ADGB: variants seen among roughly 807,000 people sequenced by gnomAD.
ADGB encodes the protein androglobin, also known as calpain-7-like protein.
ADGB carries 172 observed loss-of-function variants against 210.5 expected under a neutral mutation model. The observed-to-expected ratio is 0.82, with a 90% confidence interval of 0.72 to 0.93. ADGB has a LOEUF of 0.93. Ranked by LOEUF, ADGB falls within the 40% of genes least tolerant of loss-of-function variation. The pLI is 0.00. For synonymous variants in ADGB, 658 were observed against 662.7 expected (o/e 0.99, Z 0.11); for missense variants, 2,025 against 1,964.8 (o/e 1.03, Z -0.58).
At chr6:146,802,886 A>T in intron 35 of ADGB, 1 of 1,610,458 alleles carries the variant, frequency 6.2e-7, no homozygotes, top group Admixed American at 1.7e-5. Context: ...CTGTTCCCAT[A>T]ATCCACTTAA....
At position 146,726,021 on chromosome 6, in the gene ADGB, C is replaced by T. The variant is rs1776889759; in HGVS notation, c.2238-62C>T. 17 of 1,063,200 alleles carry T rather than the reference C, an allele frequency of 1.6e-5. No individual in the cohort carries two copies. In the South Asian group the frequency reaches 1.7e-4, roughly 11 times the overall value. The allele number at this position is 1,063,200 out of a possible 1,614,324, so 65.9% of individuals were successfully genotyped here. The stretch of plus-strand genomic sequence containing the variant: ...AGTTCCAAAGTGTGAATAAGCAACT[C>T]ACAGGTCAAATGCCACCACCCAGGA... On this transcript the variant is annotated intron_variant, in intron 18 of 35. Coordinates refer to ENST00000397944, the MANE Select transcript of ADGB (RefSeq NM_024694.4).
At position 146,782,001 on chromosome 6, in the gene ADGB, T is replaced by A. The variant is rs1359298543; in HGVS notation, c.3863-19T>A. 7.0e-7 allele frequency: 1 copy of A among 1,431,678 alleles called. No individual in the cohort carries two copies. The allele number at this position is 1,431,678 out of a possible 1,614,324, so 88.7% of individuals were successfully genotyped here. A position where few individuals can be genotyped will look rare whatever the true frequency, so the allele number is the denominator to read the frequency against. On this transcript the variant is annotated intron_variant, in intron 29 of 35. Transcript: ENST00000397944. ...TGTTATATTATGACTCACCATTTTT[T>A]ATTTTTATGTCTCTCTAGCTTATGG...
intron 9 of ADGB, among the ~76,000 whole-genome samples, chr6:146,684,593 G>T (rs145127648): frequency 8.6e-5 from 13 of 152,038 alleles, no homozygotes; most frequent in African/African-American, 2.7e-4. Flanking sequence ...TTATTTTGCT[G>T]CATCCTTAAA....
chr6:146,738,668 T>C (rs1777116942), intron 23 of ADGB, among the ~76,000 whole-genome samples: 1 of 152,034 alleles, frequency 6.6e-6, no homozygotes. Context: ...CAGGATGGTC[T>C]CGATCTCCTG....
At chr6:146,788,713 G>GC in intron 33 of ADGB, 103 bp downstream of exon 33, 1 of 1,059,974 alleles carries the variant, frequency 9.4e-7, no homozygotes, top group Non-Finnish European at 1.4e-6. Context: ...TATAGAAGTA[G>GC]AAAAGATGTC....
intron 27 of ADGB, among the ~76,000 whole-genome samples, chr6:146,755,859 G>T (rs1017045859): frequency 5.3e-5 from 8 of 151,852 alleles, no homozygotes; most frequent in Non-Finnish European, 1.0e-4. Flanking sequence ...TGTTTATTTT[G>T]ATTAAACCTA....
intron 3 of ADGB, among the ~76,000 whole-genome samples, chr6:146,649,587 C>A (rs1235003290): frequency 4.0e-5 from 6 of 151,568 alleles, no homozygotes; most frequent in Non-Finnish European, 8.8e-5. Flanking sequence ...ACCTCCTGGG[C>A]TCAGGTGGTC....
At chr6:146,734,497 A>G (rs1021340485) in intron 22 of ADGB, among the ~76,000 whole-genome samples, 4 of 152,236 alleles carry the variant, frequency 2.6e-5, no homozygotes, top group Non-Finnish European at 4.4e-5. Flanking sequence ...GCCACTATGT[A>G]TGTCCATAGT....
intron 13 of ADGB, among the ~76,000 whole-genome samples, chr6:146,711,095 C>A (rs773233473): frequency 1.1e-4 from 17 of 152,204 alleles, no homozygotes; most frequent in Non-Finnish European, 2.4e-4. Context: ...CATATCTACA[C>A]TTTCCCCTGT....
At chr6:146,800,886 T>A (rs552715563) in intron 33 of ADGB, among the ~76,000 whole-genome samples, 1 of 152,308 alleles carries the variant, frequency 6.6e-6, no homozygotes, top group African/African-American at 2.4e-5. Flanking sequence ...GACTTGTTCT[T>A]ATTAATGGAG....
At position 146,599,099 on chromosome 6, in the gene ADGB, C is replaced by G. The variant is rs1161187596; in HGVS notation, c.59C>G (p.Ser20Trp). Residue 20 changes from serine (S) to tryptophan (W), a missense_variant, in exon 1 of 36, where the codon TCG becomes TGG. Ser to Trp is a radical substitution (Grantham distance 177). Transcript: ENST00000397944. Reference protein sequence around the residue: ...EVHRINSAHGSDKSKDFYPFG... With the variant: ...EVHRINSAHGWDKSKDFYPFG... ...CATCGTATCAACTCGGCGCACGGAT[C>G]GGATAAATCGAAAGAGTAAGGGACC... 2.6e-6 allele frequency: 4 copies of G among 1,551,690 alleles called. No individual in the cohort carries two copies. Among genetic ancestry groups the G allele is most frequent in the Non-Finnish European group, 3.5e-6 (4 of 1,146,946 alleles).
chr6:146,720,707 T>C (rs1348015138), intron 16 of ADGB, among the ~76,000 whole-genome samples: 1 of 152,076 alleles, frequency 6.6e-6, no homozygotes, highest in Non-Finnish European at 1.5e-5. Flanking sequence ...AAACACGTCT[T>C]ACCATGGCAG....
chr6:146,774,274 G>T (rs1287896737), intron 29 of ADGB, among the ~76,000 whole-genome samples: 2 of 152,086 alleles, frequency 1.3e-5, no homozygotes, highest in African/African-American at 4.8e-5. Flanking sequence ...TTTAATTCAT[G>T]AAATACAATA....
intron 23 of ADGB, among the ~76,000 whole-genome samples, chr6:146,739,241 G>C (rs1777127641): frequency 6.6e-6 from 1 of 152,118 alleles, no homozygotes; most frequent in South Asian, 2.1e-4. Flanking sequence ...GGCCAGCCCT[G>C]TGTGATTTAC....
intron 35 of ADGB, among the ~76,000 whole-genome samples, chr6:146,805,625 T>C (rs145612392): frequency 6.6e-6 from 1 of 152,284 alleles, no homozygotes; most frequent in East Asian, 1.9e-4. Context: ...ACTTTGCCTT[T>C]CCACTAACAG....
rs569822333 is a variant in ADGB, at chr6:146,747,376, A to C, written c.3365+1267A>C. Among the ~76,000 whole-genome samples the C allele has an allele frequency of 1.8e-4, 28 of 152,336 alleles. No individual in the cohort carries two copies. The South Asian group carries it at 3.9e-3, about 21-fold the overall frequency. On this transcript the variant is annotated intron_variant, in intron 26 of 35. Coordinates refer to ENST00000397944, the MANE Select transcript of ADGB (RefSeq NM_024694.4). The stretch of plus-strand genomic sequence containing the variant: ...ATCGTATCACATGGCAGGGCCACTA[A>C]TAGTCTAAAAAGTGAAATTTAACCT...
At chr6:146,691,426 A>ATATT (rs1776308880) in intron 11 of ADGB, 136 bp downstream of exon 11, 1 of 19,240 alleles carries the variant, frequency 5.2e-5, no homozygotes, top group African/African-American at 2.5e-4. Flanking sequence ...ATATATATAT[A>ATATT]TATATATATA....
intron 1 of ADGB, among the ~76,000 whole-genome samples, chr6:146,622,925 T>C (rs567689391): frequency 2.0e-5 from 3 of 152,058 alleles, no homozygotes; most frequent in Non-Finnish European, 4.4e-5. Context: ...TGCATATGGA[T>C]ATTCAATGTT....
At chr6:146,706,845 G>GTTTTTTTTTTTTTTT (rs34520729) in intron 13 of ADGB, among the ~76,000 whole-genome samples, 3 of 100,696 alleles carry the variant, frequency 3.0e-5, no homozygotes, top group East Asian at 3.2e-4. Context: ...TCAGCTTAGT[G>GTTTTTTTTTTTTTTT]TTTTTTTTTT....
Sources: allele counts gnomAD v4.1 joint callset (sites outside exome capture counted in the v4.1 genomes callset), GRCh38; gene constraint gnomAD v4.1.1; transcripts MANE v1.5; gene names NCBI Gene and HGNC (gene_info 2026-07-23, HGNC 2026-07-21).